The following GRAMD1A variants were observed in gnomAD, a reference collection of about 807,000 sequenced individuals.
GRAMD1A encodes protein Aster-A.
A neutral mutation model predicts 92.0 loss-of-function variants in GRAMD1A; 50 were observed. The ratio of observed to expected loss-of-function variants is 0.54; its 90% CI spans 0.43 to 0.69. The LOEUF is 0.69. Ranked by LOEUF, GRAMD1A falls within the 30% of genes least tolerant of loss-of-function variation. The pLI is 0.00. For missense variants in GRAMD1A, 819 were observed against 978.9 expected (o/e 0.84, Z 2.18); for synonymous variants, 405 against 403.6 (o/e 1.00, Z -0.04).
chr19:35,016,363 G>A (rs961960706), intron 11 of GRAMD1A, among the ~76,000 whole-genome samples: 3 of 151,908 alleles, frequency 2.0e-5, no homozygotes, highest in Admixed American at 6.6e-5. Flanking sequence ...TTGGGAGGCC[G>A]AGGTGGGCAG....
intron 1 of GRAMD1A, chr19:35,006,050 G>A (rs2014790206): frequency 2.2e-6 from 1 of 450,810 alleles, no homozygotes; most frequent in Admixed American, 2.4e-5. Context: ...CCATGGCCAG[G>A]TGCAGTGGCT....
chr19:35,013,362 G>T lies in GRAMD1A; in HGVS notation c.713G>T (p.Gly238Val), dbSNP rs907248598. The change falls in exon 8 of 20, where the codon GGT becomes GTT. Residue 238 changes from glycine (G) to valine (V), a missense_variant. By Grantham distance (109) the Gly-to-Val change is moderately radical. Coordinates refer to ENST00000317991, the MANE Select transcript of GRAMD1A (RefSeq NM_020895.5). The surrounding 1 kb of genome is among the most constrained non-coding windows in gnomAD (Gnocchi z 4.9). ...TATGTCTCCCCCTTGCAGCTGAACGGTCTGGGGTGAGTTGGAGGTCAAAGG... is the reference window on the plus strand; with the variant it reads ...TATGTCTCCCCCTTGCAGCTGAACGTTCTGGGGTGAGTTGGAGGTCAAAGG... ...EDYVSPLQLN[G>V]LGTPKEVGDV... The T allele has an allele frequency of 6.4e-7, 1 of 1,553,320 alleles. No individual in the cohort carries two copies. The highest frequency in any genetic ancestry group is 1.4e-5 in the African/African-American group (1 of 73,386).
intron 11 of GRAMD1A, among the ~76,000 whole-genome samples, chr19:35,017,250 C>T (rs979485935): frequency 2.6e-5 from 4 of 152,044 alleles, no homozygotes; most frequent in African/African-American, 4.8e-5. Context: ...GCCTGTGGAA[C>T]TGTGAACCCA....
rs767144146 is a variant in GRAMD1A, at chr19:35,010,295, G to C, written c.441G>C (p.Gln147His). Residue 147 changes from glutamine (Q) to histidine (H), a missense_variant, in exon 6 of 20, where the codon CAG becomes CAC. Around this residue, in one of 3 missense-constraint regions of GRAMD1A, gnomAD observed 144 missense variants for 220.3 expected, o/e 0.65. Coordinates refer to ENST00000317991, the MANE Select transcript of GRAMD1A (RefSeq NM_020895.5). ...IFRWETTISI[Q>H]LKEVTCLKKE... ...CCTGCTGTCCTCAGATCTCCATCCA[G>C]CTGAAGGAAGTGACATGTCTGAAGA... The C allele has an allele frequency of 3.1e-6, 5 of 1,613,100 alleles. No homozygotes were observed. The highest frequency in any genetic ancestry group is 4.2e-6 in the Non-Finnish European group (5 of 1,179,116).
upstream of GRAMD1A, among the ~76,000 whole-genome samples, chr19:34,999,703 A>G (rs923262670): frequency 2.0e-5 from 3 of 152,214 alleles, no homozygotes; most frequent in African/African-American, 4.8e-5. Flanking sequence ...TGGGACTCCC[A>G]GCACTGGGGT....
In GRAMD1A at chr19:35,013,801, G is replaced by A. The variant is rs1208408368; in HGVS notation, c.870+110G>A. On this transcript the variant is annotated intron_variant, in intron 9 of 19. Coordinates refer to ENST00000317991, the MANE Select transcript of GRAMD1A (RefSeq NM_020895.5). This position sits in a 1 kb window ranked among gnomAD's most constrained non-coding sequence, Gnocchi z 4.9. ...CAGATTTGGAGGGGAATGGATAGGGGGACAGGGGAGGCCTGGATGGAGGAA... is the reference window on the plus strand; with the variant it reads ...CAGATTTGGAGGGGAATGGATAGGGAGACAGGGGAGGCCTGGATGGAGGAA... 1.8e-6 allele frequency: 2 copies of A among 1,091,794 alleles called. No individual in the cohort carries two copies. Among genetic ancestry groups the A allele is most frequent in the African/African-American group, 1.6e-5 (1 of 64,086 alleles). 67.6% of individuals were successfully genotyped at this position (1,091,794 alleles called of 1,614,324 possible). A position where few individuals can be genotyped will look rare whatever the true frequency, so the allele number is the denominator to read the frequency against.
intron 1 of GRAMD1A, among the ~76,000 whole-genome samples, chr19:35,008,822 T>A (rs1370904710): frequency 6.6e-6 from 1 of 152,046 alleles, no homozygotes; most frequent in Non-Finnish European, 1.5e-5. Context: ...TCACAAAAAA[T>A]AAATAAATAA....
chr19:35,023,554 G>A lies in GRAMD1A; in HGVS notation c.2082+7G>A. ...CGTGGAGCTCCTGGATGAGGTAGGA[G>A]GCGCCGCTCGGGCAGGGCTCGGGGC... On this transcript the variant is annotated splice_region_variant and intron_variant, in intron 19 of 19. Coordinates refer to ENST00000317991, the MANE Select transcript of GRAMD1A (RefSeq NM_020895.5). The A allele has an allele frequency of 6.4e-7, 1 of 1,566,686 alleles. No individual in the cohort carries two copies. The highest frequency in any genetic ancestry group is 8.6e-7 in the Non-Finnish European group (1 of 1,161,342).
intron 6 of GRAMD1A, among the ~76,000 whole-genome samples, chr19:35,011,052 T>C (rs890175122): frequency 1.9e-4 from 26 of 136,666 alleles, no homozygotes; most frequent in African/African-American, 6.5e-4. Context: ...CAGTGAGCCG[T>C]GATCATGCCA....
chr19:35,023,655 C>T, intron 19 of GRAMD1A, 108 bp downstream of exon 19: 1 of 1,102,000 alleles, frequency 9.1e-7, no homozygotes, highest in Non-Finnish European at 1.3e-6. Context: ...CAGTGTCCTC[C>T]TCTGTAAAAT....
Position 35,015,973 on chromosome 19 carries a change from C to T in GRAMD1A, c.1213+6C>T, listed in dbSNP as rs199604519. The T allele has an allele frequency of 7.6e-4, 1,221 of 1,611,026 alleles. 1 individual carries two copies. The highest frequency in any genetic ancestry group is 9.5e-4 in the Non-Finnish European group (1,116 of 1,178,446). ...ACAGCAGTGCAAGTTCACAGGTCAG[C>T]GGGCGCATGAAGGAGAGGCTGAGGT... is the stretch of plus-strand genomic sequence containing the variant. On this transcript the variant is annotated splice_donor_region_variant and intron_variant, in intron 11 of 19. Coordinates refer to ENST00000317991, the MANE Select transcript of GRAMD1A (RefSeq NM_020895.5).
intron 11 of GRAMD1A, 141 bp from the exon 12 acceptor site, chr19:35,019,050 C>T (rs1048660416): frequency 1.5e-6 from 1 of 670,432 alleles, no homozygotes; most frequent in Non-Finnish European, 2.7e-6. Flanking sequence ...TTTTAGGCTC[C>T]TGGAAGGAAG....
At chr19:35,024,852 G>C (rs939278911) in intron 19 of GRAMD1A, 2 of 152,234 alleles carry the variant, frequency 1.3e-5, no homozygotes, top group African/African-American at 2.4e-5. Flanking sequence ...GCAGTGGCAC[G>C]ATCATGGCTC....
At position 35,009,379 on chromosome 19, in the gene GRAMD1A, G is replaced by A. The variant is rs368907820; in HGVS notation, c.220-44G>A. 8.1e-6 allele frequency: 13 copies of A among 1,613,644 alleles called. No homozygotes were observed. In the East Asian group the frequency reaches 2.7e-4, roughly 33 times the overall value. Reference sequence around the variant, plus strand: ...GGGAGAGGGCTAGTGGGGGCTGGCCGGTGATCTAGGGGCTCATCCTGACTC... The same window carrying A: ...GGGAGAGGGCTAGTGGGGGCTGGCCAGTGATCTAGGGGCTCATCCTGACTC... On this transcript the variant is annotated intron_variant, in intron 2 of 19. Transcript: ENST00000317991.
In GRAMD1A at chr19:35,026,390, G is replaced by A. The variant is rs968549376; in HGVS notation, c.*249G>A. 8.0e-5 allele frequency: 45 copies of A among 565,456 alleles called. No homozygotes were observed. Among genetic ancestry groups the A allele is most frequent in the Middle Eastern group, 4.7e-4 (1 of 2,124 alleles). 35.0% of individuals were successfully genotyped at this position (565,456 alleles called of 1,614,324 possible). On this transcript the variant is annotated 3_prime_UTR_variant, in exon 20 of 20. Transcript: ENST00000317991. ...GAGGTTGTGGGGGGCGCCTCCTGGG[G>A]TGCACGATTCCCTCAGCTCTGGGTT... is the stretch of plus-strand genomic sequence containing the variant.
At chr19:35,019,096 G>C in intron 11 of GRAMD1A, 95 bp from the exon 12 acceptor site, 4 of 796,330 alleles carry the variant, frequency 5.0e-6, no homozygotes, top group Non-Finnish European at 8.5e-6. Context: ...ATTGGGACAG[G>C]TCCCCAGAGA....
At position 35,013,401 on chromosome 19, in the gene GRAMD1A, C is replaced by G. The variant is rs144426841; in HGVS notation, c.719+33C>G. The G allele has an allele frequency of 6.6e-7, 1 of 1,504,218 alleles. No homozygotes were observed. The highest frequency in any genetic ancestry group is 1.4e-5 in the African/African-American group (1 of 72,292). 93.2% of individuals were successfully genotyped at this position (1,504,218 alleles called of 1,614,324 possible). On this transcript the variant is annotated intron_variant, in intron 8 of 19. Transcript: ENST00000317991. This position sits in a 1 kb window ranked among gnomAD's most constrained non-coding sequence, Gnocchi z 4.9. ...GGAGGTCAAAGGAGGTTGAAGGGTT[C>G]GGGGGAGAACAGGACGGTCGGCGTG...
chr19:35,015,304 C>G (rs1411550147), intron 10 of GRAMD1A: 1 of 152,936 alleles, frequency 6.5e-6, no homozygotes, highest in Non-Finnish European at 1.5e-5. Context: ...TTTCAGCTAG[C>G]CTCTATTCTT....
At chr19:35,008,103 C>CAGAT (rs1356708594) in intron 1 of GRAMD1A, among the ~76,000 whole-genome samples, 1 of 147,392 alleles carries the variant, frequency 6.8e-6, no homozygotes, top group Non-Finnish European at 1.5e-5. Flanking sequence ...CTGAGGTGGG[C>CAGAT]AGATCACTTG....
Sources: gnomAD v4.1 joint callset for allele counts (sites outside exome capture counted in the v4.1 genomes callset) on GRCh38, gnomAD v4.1.1 for gene constraint, gnomAD v4.1.1 regional missense constraint, Gnocchi (gnomAD v3.1) non-coding constraint, MANE v1.5 for transcripts, NCBI Gene and HGNC (gene_info 2026-07-23, HGNC 2026-07-21) for gene names.